FSD1L: variants seen among roughly 807,000 people sequenced by gnomAD.
The protein encoded by FSD1L is FSD1-like protein.
Under a neutral mutation model 71.6 loss-of-function variants are expected in FSD1L, and 45 were observed. The observed-to-expected ratio is 0.63, with a 90% confidence interval of 0.49 to 0.81. FSD1L has a LOEUF of 0.81. FSD1L is among the 30% of genes least tolerant of loss of function. The pLI, the probability that FSD1L is intolerant of heterozygous loss-of-function variation, is 0.00. For synonymous variants in FSD1L, 197 were observed against 207.2 expected (o/e 0.95, Z 0.42); for missense variants, 561 against 618.1 (o/e 0.91, Z 0.98).
intron 10 of FSD1L, chr9:105,524,081 T>C (rs1294553395): frequency 6.2e-7 from 1 of 1,611,352 alleles, no homozygotes; most frequent in South Asian, 1.1e-5. Context: ...TAATCAAAAC[T>C]GTATTAAGCT....
chr9:105,454,649 G>A (rs1184738750), intron 1 of FSD1L, among the ~76,000 whole-genome samples: 1 of 152,030 alleles, frequency 6.6e-6, no homozygotes, highest in Non-Finnish European at 1.5e-5. Flanking sequence ...GACTTTACTG[G>A]GTAAAACAGC....
intron 5 of FSD1L, among the ~76,000 whole-genome samples, chr9:105,478,502 A>G (rs1232193597): frequency 6.6e-6 from 1 of 152,142 alleles, no homozygotes; most frequent in East Asian, 1.9e-4. Context: ...TCTATGTCTG[A>G]TATATTGTTA....
intron 10 of FSD1L, among the ~76,000 whole-genome samples, chr9:105,533,414 A>ATATTTTTTTTTTTTTTTTTT (rs1271918066): frequency 7.5e-5 from 1 of 13,376 alleles, no homozygotes; most frequent in African/African-American, 2.1e-4. Flanking sequence ...TGCCATTTCC[A>ATATTTTTTTTTTTTTTTTTT]TCTTTTTTTT....
At chr9:105,521,901 C>A (rs184194376) in intron 10 of FSD1L, 68 of 1,612,344 alleles carry the variant, frequency 4.2e-5, no homozygotes, top group Non-Finnish European at 4.8e-5. Context: ...AATAAAAAAT[C>A]TTCTGGATGA....
At chr9:105,529,281 C>T (rs1460530717) in intron 10 of FSD1L, among the ~76,000 whole-genome samples, 1 of 152,146 alleles carries the variant, frequency 6.6e-6, no homozygotes, top group African/African-American at 2.4e-5. Flanking sequence ...GGGTATATAC[C>T]CAAAGGATTT....
intron 4 of FSD1L, among the ~76,000 whole-genome samples, chr9:105,470,907 C>A (rs1393941640): frequency 6.6e-6 from 1 of 152,242 alleles, no homozygotes; most frequent in Non-Finnish European, 1.5e-5. Context: ...GAAGATCCAA[C>A]TGAAAACTCA....
At chr9:105,541,703 A>G (rs951323221) in intron 13 of FSD1L, among the ~76,000 whole-genome samples, 2 of 152,226 alleles carry the variant, frequency 1.3e-5, no homozygotes, top group African/African-American at 4.8e-5. Context: ...TTTTTAGCAA[A>G]TGCCTGCAGT....
intron 6 of FSD1L, among the ~76,000 whole-genome samples, chr9:105,482,682 T>A (rs981706090): frequency 1.3e-5 from 2 of 152,216 alleles, no homozygotes; most frequent in African/African-American, 4.8e-5. Flanking sequence ...CTAAATTGAT[T>A]CATGGAAACT....
intron 8 of FSD1L, 101 bp downstream of exon 8, chr9:105,506,709 A>G: frequency 2.4e-6 from 2 of 829,724 alleles, no homozygotes; most frequent in South Asian, 1.7e-5. Flanking sequence ...AAGTTTCTTT[A>G]GTCACACTGA....
chr9:105,475,170 G>A (rs1485902004), intron 5 of FSD1L, among the ~76,000 whole-genome samples: 1 of 152,070 alleles, frequency 6.6e-6, no homozygotes, highest in Non-Finnish European at 1.5e-5. Context: ...GAAAGAGCTG[G>A]GTCAGTGGAA....
rs919494102 is a variant in FSD1L, at chr9:105,533,484, G to A, written c.1026-1009G>A. ...GTTGCCCAGGCTGGAGTGCAGTGGCGCCATCTCGGCTCACTACAACCTCTG... is the reference window on the plus strand; with the variant it reads ...GTTGCCCAGGCTGGAGTGCAGTGGCACCATCTCGGCTCACTACAACCTCTG... On this transcript the variant is annotated intron_variant, in intron 10 of 13. Coordinates refer to ENST00000481272, the MANE Select transcript of FSD1L (RefSeq NM_001145313.3). 1.2e-4 allele frequency among the ~76,000 whole-genome samples: 15 copies of A among 129,858 alleles called. 1 individual carries two copies. Among genetic ancestry groups the A allele is most frequent in the African/African-American group, 4.4e-4 (15 of 34,134 alleles). The allele number at this position is 129,858 out of a possible 152,430, so 85.2% of individuals were successfully genotyped here.
At chr9:105,498,265 T>C (rs950535739) in intron 7 of FSD1L, among the ~76,000 whole-genome samples, 1 of 151,244 alleles carries the variant, frequency 6.6e-6, no homozygotes, top group Non-Finnish European at 1.5e-5. Context: ...ATTACTTGTT[T>C]TAGATCTTCT....
At chr9:105,490,904 T>C (rs1351424718) in intron 7 of FSD1L, among the ~76,000 whole-genome samples, 1 of 144,310 alleles carries the variant, frequency 6.9e-6, no homozygotes, top group Non-Finnish European at 1.5e-5. Flanking sequence ...TTTTGGTTAC[T>C]GTAGCCTTGT....
intron 1 of FSD1L, among the ~76,000 whole-genome samples, chr9:105,452,070 C>G (rs368352030): frequency 6.6e-6 from 1 of 152,072 alleles, no homozygotes; most frequent in Non-Finnish European, 1.5e-5. Flanking sequence ...CTTGACTGGA[C>G]AAAACTAGAT....
chr9:105,524,218 G>C (rs1589076437), intron 10 of FSD1L: 1 of 1,612,264 alleles, frequency 6.2e-7, no homozygotes, highest in East Asian at 2.2e-5. Flanking sequence ...AATGTGATTT[G>C]TGTTTCCTTA....
chr9:105,503,193 A>G (rs1448281855), intron 7 of FSD1L, among the ~76,000 whole-genome samples: 2 of 152,108 alleles, frequency 1.3e-5, no homozygotes, highest in African/African-American at 2.4e-5. Flanking sequence ...CAGCAGAAAA[A>G]TGTAGTAGGT....
At chr9:105,513,750 C>T in intron 10 of FSD1L, 1 of 683,802 alleles carries the variant, frequency 1.5e-6, no homozygotes, top group Non-Finnish European at 2.5e-6. Flanking sequence ...CCTTCATAAG[C>T]TAAAATACTG....
chr9:105,485,922 C>T (rs925757030), intron 7 of FSD1L, among the ~76,000 whole-genome samples: 4 of 151,960 alleles, frequency 2.6e-5, no homozygotes, highest in Non-Finnish European at 4.4e-5. Context: ...GGATTACAGG[C>T]GTGAGCACAA....
chr9:105,519,060 T>TG, intron 10 of FSD1L, among the ~76,000 whole-genome samples: 1 of 151,952 alleles, frequency 6.6e-6, no homozygotes, highest in South Asian at 2.1e-4. Flanking sequence ...AAATCTAGAA[T>TG]GGATCAATTC....
Sources: gnomAD v4.1 joint callset for allele counts (sites outside exome capture counted in the v4.1 genomes callset) on GRCh38, gnomAD v4.1.1 for gene constraint, MANE v1.5 for transcripts, NCBI Gene and HGNC (gene_info 2026-07-23, HGNC 2026-07-21) for gene names.